DTNB: variants seen among roughly 807,000 people sequenced by gnomAD.
DTNB encodes dystrobrevin beta.
Under a neutral mutation model 90.7 loss-of-function variants are expected in DTNB, and 63 were observed. The ratio of observed to expected loss-of-function variants is 0.69; its 90% confidence interval spans 0.57 to 0.86. DTNB has a LOEUF of 0.86. DTNB is among the 40% of genes least tolerant of loss of function. DTNB has a pLI of 0.00. For missense variants in DTNB, 744 were observed against 807.1 expected, an observed-to-expected ratio of 0.92 and a Z score of 0.95; for synonymous variants, 277 against 286.7, an observed-to-expected ratio of 0.97 and a Z score of 0.34.
chr2:25,656,392 G>A (rs1206256196), intron 1 of DTNB, among the ~76,000 whole-genome samples: 1 of 152,136 alleles, frequency 6.6e-6, no homozygotes, highest in Non-Finnish European at 1.5e-5. Flanking sequence ...CACAGCTGAT[G>A]AGATACCCTT....
chr2:25,553,212 C>G (rs180937911), intron 8 of DTNB, among the ~76,000 whole-genome samples: 1 of 151,954 alleles, frequency 6.6e-6, no homozygotes, highest in African/African-American at 2.4e-5. Flanking sequence ...CTTAGCCTCC[C>G]GAGTAGCTGG....
intron 6 of DTNB, among the ~76,000 whole-genome samples, chr2:25,582,288 A>G (rs1483146945): frequency 6.6e-6 from 1 of 152,148 alleles, no homozygotes; most frequent in East Asian, 1.9e-4. Context: ...CAGACCAACC[A>G]CCGGAACCTC....
intron 6 of DTNB, among the ~76,000 whole-genome samples, chr2:25,589,361 T>C (rs1240198350): frequency 7.7e-6 from 1 of 129,058 alleles, no homozygotes; most frequent in African/African-American, 3.1e-5. Flanking sequence ...GGTTTCTTTT[T>C]CTTTTCTTTT....
intron 2 of DTNB, among the ~76,000 whole-genome samples, chr2:25,651,229 A>G (rs759142657): frequency 1.3e-5 from 2 of 152,226 alleles, no homozygotes; most frequent in Non-Finnish European, 2.9e-5. Context: ...TTTAATCTTC[A>G]CAACAATTCT....
intron 8 of DTNB, among the ~76,000 whole-genome samples, chr2:25,551,070 T>C (rs2083547303): frequency 6.6e-6 from 1 of 152,218 alleles, no homozygotes; most frequent in Non-Finnish European, 1.5e-5. Context: ...ATACTCTATT[T>C]CTTATCTCTT....
At chr2:25,501,651 G>A (rs528553434) in intron 9 of DTNB, among the ~76,000 whole-genome samples, 1 of 152,222 alleles carries the variant, frequency 6.6e-6, no homozygotes, top group African/African-American at 2.4e-5. Flanking sequence ...GGGATTACAG[G>A]CATGAGCCAC....
In DTNB at chr2:25,628,297, G is replaced by A. The variant is rs373220963; in HGVS notation, c.236C>T (p.Ser79Phe). The A allele has an allele frequency of 1.2e-6, 2 of 1,613,504 alleles. No homozygotes were observed. The highest frequency in any genetic ancestry group is 1.3e-5 in the African/African-American group (1 of 74,792). Residue 79 changes from serine to phenylalanine, a missense_variant, in exon 4 of 21, where the codon TCC becomes TTC. By Grantham distance (155) the Ser-to-Phe change is radical. Transcript: ENST00000406818. ...TLDHTTEISV[S>F]RLETVISSIY... ...GGAGGAGATGACAGTTTCGAGGCGGGACACACTGATCTCGGTGGTATGGTC... is the reference window on the plus strand; with the variant it reads ...GGAGGAGATGACAGTTTCGAGGCGGAACACACTGATCTCGGTGGTATGGTC...
chr2:25,402,068 C>T (rs2043871298), intron 16 of DTNB, among the ~76,000 whole-genome samples: 1 of 152,162 alleles, frequency 6.6e-6, no homozygotes, highest in Non-Finnish European at 1.5e-5. Context: ...CAGCCTTTGT[C>T]CATTTTTCTC....
At chr2:25,418,310 G>A (rs930417178) in intron 16 of DTNB, among the ~76,000 whole-genome samples, 3 of 151,558 alleles carry the variant, frequency 2.0e-5, no homozygotes, top group Non-Finnish European at 4.4e-5. Flanking sequence ...CTTTCCTCTC[G>A]CCTTTACTCT....
intron 9 of DTNB, among the ~76,000 whole-genome samples, chr2:25,517,208 T>C (rs901954114): frequency 2.0e-5 from 3 of 152,214 alleles, no homozygotes; most frequent in Admixed American, 6.5e-5. Context: ...AAAGACTACA[T>C]ATTGTACGAT....
intron 1 of DTNB, among the ~76,000 whole-genome samples, chr2:25,663,927 A>G (rs148854707): frequency 3.9e-5 from 6 of 152,350 alleles, no homozygotes; most frequent in Non-Finnish European, 8.8e-5. Context: ...CCTAAACCTC[A>G]AAAGGAACTT....
intron 5 of DTNB, among the ~76,000 whole-genome samples, chr2:25,598,041 T>G (rs1033203122): frequency 6.6e-6 from 1 of 152,212 alleles, no homozygotes; most frequent in Non-Finnish European, 1.5e-5. Context: ...TGTGCAGTAA[T>G]GTACCAACTA....
rs2077674642 is a variant in DTNB at position 25,639,057 on chromosome 2, G to A, written c.105C>T (p.Tyr35=). Residue 35 remains tyrosine (Y), a synonymous_variant, in exon 3 of 21, where the codon TAC becomes TAT. Transcript: ENST00000406818. ...CAAATCGTAATTTGCAGGCTGTTCT[G>A]TAAGTTGATAGTCGTATGACATCAA... ...QNFDVIRLST[Y]RTACKLRFVQ... 8 of 1,593,678 alleles carry A rather than the reference G, an allele frequency of 5.0e-6. No individual in the cohort carries two copies. The highest frequency in any genetic ancestry group is 6.9e-6 in the Non-Finnish European group (8 of 1,167,746).
chr2:25,670,558 GCA>G, intron 1 of DTNB, among the ~76,000 whole-genome samples: 1 of 152,190 alleles, frequency 6.6e-6, no homozygotes, highest in Non-Finnish European at 1.5e-5. Context: ...CAGAGTTGCA[GCA>G]CACAGTCACA....
chr2:25,500,237 T>G (rs1168723703), intron 9 of DTNB, among the ~76,000 whole-genome samples: 4 of 152,166 alleles, frequency 2.6e-5, no homozygotes, highest in Non-Finnish European at 1.5e-5. Context: ...AAGCAATGTA[T>G]TGGCTGAAAC....
chr2:25,541,475 G>A (rs1167353892), intron 8 of DTNB, among the ~76,000 whole-genome samples: 2 of 151,884 alleles, frequency 1.3e-5, no homozygotes, highest in Non-Finnish European at 2.9e-5. Context: ...GCAAGACTCC[G>A]TCTCAAAAAA....
At chr2:25,510,172 G>A (rs2073632638) in intron 9 of DTNB, among the ~76,000 whole-genome samples, 1 of 151,016 alleles carries the variant, frequency 6.6e-6, no homozygotes. Context: ...ATTATCTGTA[G>A]GTTTATAATC....
At chr2:25,498,693 C>T (rs1473059787) in intron 9 of DTNB, among the ~76,000 whole-genome samples, 2 of 149,968 alleles carry the variant, frequency 1.3e-5, no homozygotes, top group Non-Finnish European at 3.0e-5. Context: ...AAAAGAAATA[C>T]AAAAATTAGC....
intron 10 of DTNB, among the ~76,000 whole-genome samples, chr2:25,457,641 T>G (rs1412545914): frequency 6.6e-6 from 1 of 152,182 alleles, no homozygotes; most frequent in East Asian, 1.9e-4. Context: ...CTGAGATAAC[T>G]TTCCCATGAA....
Sources: allele counts gnomAD v4.1 joint callset (sites outside exome capture counted in the v4.1 genomes callset), GRCh38; gene constraint gnomAD v4.1.1; transcripts MANE v1.5; gene names NCBI Gene and HGNC (gene_info 2026-07-23, HGNC 2026-07-21).